Variants in CNTNAP3B observed in about 807,000 individuals in gnomAD.
The protein encoded by CNTNAP3B is contactin associated protein family member 3B.
In CNTNAP3B, 25 loss-of-function variants were observed where a neutral mutation model predicts 108.9. That is an observed-to-expected ratio of 0.23 (90% CI 0.17 to 0.32). CNTNAP3B has a LOEUF of 0.32. Ranked by LOEUF, CNTNAP3B falls within the 10% of genes least tolerant of loss-of-function variation. The pLI, the probability that CNTNAP3B is intolerant of heterozygous loss-of-function variation, is 1.00. For missense variants in CNTNAP3B, 252 were observed against 1,210.4 expected, an observed-to-expected ratio of 0.21 and a Z score of 11.75; for synonymous variants, 103 against 473.4, an observed-to-expected ratio of 0.22 and a Z score of 10.16.
intron 3 of CNTNAP3B, among the ~76,000 whole-genome samples, chr9:42,037,408 A>T (rs1273717944): frequency 2.3e-5 from 3 of 128,998 alleles, no homozygotes; most frequent in East Asian, 5.1e-4. Context: ...ATGGCTAACT[A>T]GAATAAACAG....
intron 10 of CNTNAP3B, among the ~76,000 whole-genome samples, chr9:41,969,576 A>G (rs1168207347): frequency 4.0e-5 from 6 of 151,844 alleles, no homozygotes; most frequent in Non-Finnish European, 8.8e-5. Flanking sequence ...TTCTAATAAA[A>G]TACTATCATT....
At chr9:41,962,152 T>C (rs1279424704) in intron 11 of CNTNAP3B, among the ~76,000 whole-genome samples, 1 of 152,006 alleles carries the variant, frequency 6.6e-6, no homozygotes, top group African/African-American at 2.4e-5. Context: ...ATTGTATAAT[T>C]AATTATATAC....
At chr9:42,029,573 C>T (rs1211468256) in intron 3 of CNTNAP3B, among the ~76,000 whole-genome samples, 1 of 121,798 alleles carries the variant, frequency 8.2e-6, no homozygotes, top group African/African-American at 3.4e-5. Context: ...CTCTGTCGCC[C>T]AGGCTGGAGT....
In CNTNAP3B at chr9:42,115,922, G is replaced by A. The variant is rs547767133; in HGVS notation, c.86-11183C>T. Among the ~76,000 whole-genome samples the A allele has an allele frequency of 1.2e-4, 15 of 130,232 alleles. 2 individuals carry two copies. In the East Asian group the frequency reaches 2.6e-3, roughly 22 times the overall value. The allele number at this position is 130,232 out of a possible 152,430, so 85.4% of individuals were successfully genotyped here. Reference sequence around the variant, plus strand: ...ATGATCGGTAATAACAAACTTCTCCGAGCTAAAGGAGGATGTTCGAACCCG... The same window carrying A: ...ATGATCGGTAATAACAAACTTCTCCAAGCTAAAGGAGGATGTTCGAACCCG... On this transcript the variant is annotated intron_variant, in intron 1 of 23. Transcript: ENST00000377561.
chr9:42,118,742 G>C lies in CNTNAP3B; in HGVS notation c.85+10268C>G, dbSNP rs1237444945. ...GAAAAGAGGAAGTCAAATTGTCCCT[G>C]TTTGCAGATGACATGATTGTGTATT... On this transcript the variant is annotated intron_variant, in intron 1 of 23. Coordinates refer to ENST00000377561, the MANE Select transcript of CNTNAP3B (RefSeq NM_001201380.3). 3.2e-4 allele frequency among the ~76,000 whole-genome samples: 37 copies of C among 115,520 alleles called. 5 individuals carry two copies. Among genetic ancestry groups the C allele is most frequent in the African/African-American group, 1.3e-3 (37 of 27,894 alleles). The allele number at this position is 115,520 out of a possible 152,430, so 75.8% of individuals were successfully genotyped here.
At chr9:41,947,972 G>T (rs1824572439) in intron 13 of CNTNAP3B, among the ~76,000 whole-genome samples, 1 of 150,894 alleles carries the variant, frequency 6.6e-6, no homozygotes. Context: ...CACCTAACAT[G>T]AAATAGGTAA....
rs796585629 is a variant in CNTNAP3B, at chr9:41,943,542, C to T, written c.2081-5142G>A. Among the ~76,000 whole-genome samples, 49 of 151,764 alleles carry T rather than the reference C, an allele frequency of 3.2e-4. No individual in the cohort carries two copies. The East Asian group carries it at 5.4e-3, about 17-fold the overall frequency. On this transcript the variant is annotated intron_variant, in intron 13 of 23. Coordinates refer to ENST00000377561, the MANE Select transcript of CNTNAP3B (RefSeq NM_001201380.3). ...TAATTTTTTGTATTTTTAGTAGAGA[C>T]GTGGTTTCCCCGTGGTAGCCAGGAT...
chr9:41,942,426 T>C (rs1263360746), intron 13 of CNTNAP3B, among the ~76,000 whole-genome samples: 2 of 152,034 alleles, frequency 1.3e-5, no homozygotes, highest in East Asian at 3.9e-4. Flanking sequence ...CTGGCTAACA[T>C]GGTGAAACCC....
chr9:42,015,092 C>T (rs1204916382), intron 3 of CNTNAP3B, among the ~76,000 whole-genome samples: 3 of 9,728 alleles, frequency 3.1e-4, no homozygotes. Context: ...TGCAGTGGTG[C>T]GATCTAGACT....
At chr9:42,079,250 G>A (rs1035196612) in intron 2 of CNTNAP3B, among the ~76,000 whole-genome samples, 8 of 109,868 alleles carry the variant, frequency 7.3e-5, no homozygotes, top group African/African-American at 3.0e-4. Flanking sequence ...CCCCCATGCA[G>A]CAGGGCAACC....
intron 3 of CNTNAP3B, among the ~76,000 whole-genome samples, chr9:42,017,087 G>A (rs1438456338): frequency 1.8e-4 from 26 of 146,870 alleles, no homozygotes; most frequent in Non-Finnish European, 3.5e-4. Flanking sequence ...TGTTCCTTAG[G>A]TATACATGAA....
intron 10 of CNTNAP3B, among the ~76,000 whole-genome samples, chr9:41,969,119 A>G (rs572649484): frequency 6.6e-6 from 1 of 152,350 alleles, no homozygotes; most frequent in South Asian, 2.1e-4. Flanking sequence ...TCAATTTTTA[A>G]ATCTGTAGCA....
intron 2 of CNTNAP3B, among the ~76,000 whole-genome samples, chr9:42,086,160 T>C (rs3905600): frequency 0.16 from 11,595 of 71,500 alleles, 52 homozygotes; most frequent in East Asian, 0.23. Flanking sequence ...GAGAGAATGA[T>C]TATCAAGCAA....
intron 1 of CNTNAP3B, among the ~76,000 whole-genome samples, chr9:42,116,289 C>A (rs1260238650): frequency 2.3e-5 from 3 of 132,590 alleles, no homozygotes; most frequent in African/African-American, 6.2e-5. Flanking sequence ...TCGGGTTACT[C>A]ACAAAGGGAA....
intron 15 of CNTNAP3B, among the ~76,000 whole-genome samples, chr9:41,924,346 G>T (rs1823749761): frequency 6.6e-6 from 1 of 152,306 alleles, no homozygotes; most frequent in African/African-American, 2.4e-5. Flanking sequence ...ACCAGTCAGG[G>T]GATCGCGCAG....
intron 1 of CNTNAP3B, among the ~76,000 whole-genome samples, chr9:42,124,933 C>T (rs2605852): frequency 1.4e-5 from 2 of 138,130 alleles, no homozygotes; most frequent in South Asian, 2.3e-4. Flanking sequence ...TTTAACTACA[C>T]TTACTTATTC....
At chr9:41,932,520 C>CTTTTTTTTTT (rs1304300088) in intron 14 of CNTNAP3B, among the ~76,000 whole-genome samples, 1 of 11,196 alleles carries the variant, frequency 8.9e-5, no homozygotes, top group Non-Finnish European at 1.7e-4. Flanking sequence ...TTTTTTTCTT[C>CTTTTTTTTTT]TTTTTTTTTT....
chr9:41,916,547 G>A (rs1823521818), intron 18 of CNTNAP3B, among the ~76,000 whole-genome samples: 1 of 151,746 alleles, frequency 6.6e-6, no homozygotes, highest in Non-Finnish European at 1.5e-5. Flanking sequence ...TTGTAAGTAG[G>A]GATATATTTA....
At chr9:42,056,308 G>A (rs1178105952) in intron 3 of CNTNAP3B, among the ~76,000 whole-genome samples, 1 of 128,978 alleles carries the variant, frequency 7.8e-6, no homozygotes, top group Non-Finnish European at 1.6e-5. Flanking sequence ...AAACAAGGTT[G>A]AATATTATCT....
Sources: allele counts gnomAD v4.1 joint callset (sites outside exome capture counted in the v4.1 genomes callset), GRCh38; gene constraint gnomAD v4.1.1; transcripts MANE v1.5; gene names NCBI Gene and HGNC (gene_info 2026-07-23, HGNC 2026-07-21).